GABBR2: variants seen among roughly 807,000 people sequenced by gnomAD.
GABBR2 encodes the protein G-protein coupled receptor 51.
GABBR2 carries 23 observed loss-of-function variants against 105.6 expected under a neutral mutation model. The observed-to-expected ratio is 0.22, with a 90% CI of 0.16 to 0.31. The LOEUF (loss-of-function observed/expected upper bound fraction) is 0.31, where lower values mean the gene tolerates loss of function less well. GABBR2 is among the 10% of genes least tolerant of loss of function. The probability of loss-of-function intolerance (pLI) is 1.00; values close to 1 mark genes in which losing one functional copy is unlikely to be tolerated. For missense variants in GABBR2, 734 were observed against 1,245.5 expected (o/e 0.59, Z 6.18); for synonymous variants, 478 against 499.7 (o/e 0.96, Z 0.58).
intron 2 of GABBR2, among the ~76,000 whole-genome samples, chr9:98,574,334 T>C (rs2131776452): frequency 6.6e-6 from 1 of 152,388 alleles, no homozygotes; most frequent in South Asian, 2.1e-4. Flanking sequence ...CAAAAGACTT[T>C]GTCACCTCTG....
chr9:98,448,436 A>T lies in GABBR2; in HGVS notation c.1236+5545T>A, dbSNP rs192493200. On this transcript the variant is annotated intron_variant, in intron 7 of 18. Transcript: ENST00000259455. Reference sequence around the variant, plus strand: ...AAATGAGAGTCTATTAATTTATTTTATTTCTTTTTTGAGACGGAGTCTCAC... The same window carrying T: ...AAATGAGAGTCTATTAATTTATTTTTTTTCTTTTTTGAGACGGAGTCTCAC... 3.1e-3 allele frequency among the ~76,000 whole-genome samples: 466 copies of T among 152,160 alleles called. 4 individuals are homozygous for T. The highest frequency in any genetic ancestry group is 0.011 in the African/African-American group (451 of 41,500).
intron 1 of GABBR2, among the ~76,000 whole-genome samples, chr9:98,612,091 G>C (rs1050516344): frequency 7.9e-5 from 12 of 152,252 alleles, no homozygotes; most frequent in Non-Finnish European, 4.4e-5. Context: ...AGTCTGGAGA[G>C]AGGACAGCCA....
At chr9:98,575,837 G>T (rs1032271992) in intron 2 of GABBR2, among the ~76,000 whole-genome samples, 2 of 152,106 alleles carry the variant, frequency 1.3e-5, no homozygotes, top group African/African-American at 4.8e-5. Context: ...AATCAGTGTG[G>T]CCTGCTCCGG....
intron 2 of GABBR2, among the ~76,000 whole-genome samples, chr9:98,549,508 A>G (rs1295820828): frequency 2.6e-5 from 4 of 152,220 alleles, no homozygotes; most frequent in Non-Finnish European, 5.9e-5. Context: ...CGTTGTTCAG[A>G]TGCCATTTAA....
intron 13 of GABBR2, among the ~76,000 whole-genome samples, chr9:98,324,774 G>A (rs1830891616): frequency 4.6e-5 from 7 of 152,082 alleles, no homozygotes; most frequent in Admixed American, 4.6e-4. Context: ...ATTTTTCTGG[G>A]CCAGGTTCTT....
intron 3 of GABBR2, among the ~76,000 whole-genome samples, chr9:98,515,063 A>G (rs1031308058): frequency 2.0e-5 from 3 of 152,186 alleles, no homozygotes; most frequent in African/African-American, 7.2e-5. Flanking sequence ...TAACAAGAGA[A>G]TGAGCCAAGG....
intron 4 of GABBR2, among the ~76,000 whole-genome samples, chr9:98,487,765 G>A (rs1827089110): frequency 6.6e-6 from 1 of 151,972 alleles, no homozygotes; most frequent in Non-Finnish European, 1.5e-5. Context: ...GTTACAGAGT[G>A]AGACCCTGTC....
intron 1 of GABBR2, among the ~76,000 whole-genome samples, chr9:98,655,888 C>A (rs999952343): frequency 2.0e-5 from 3 of 152,062 alleles, no homozygotes; most frequent in Non-Finnish European, 2.9e-5. Context: ...TAATGTAGAT[C>A]ACGGGTTGAT....
At chr9:98,474,443 A>C (rs1826747825) in intron 5 of GABBR2, among the ~76,000 whole-genome samples, 1 of 152,182 alleles carries the variant, frequency 6.6e-6, no homozygotes. Context: ...TTCAGAATAA[A>C]GTTTCTAAGT....
At position 98,318,382 on chromosome 9, in the gene GABBR2, GCACACCTCTGA is replaced by G. The variant is rs111897589; in HGVS notation, c.1894-7188_1894-7178del. Among the ~76,000 whole-genome samples the G allele has an allele frequency of 8.9e-3, 1,350 of 152,280 alleles. 16 individuals carry two copies. Among genetic ancestry groups the G allele is most frequent in the African/African-American group, 0.027 (1,112 of 41,544 alleles). ...AGAACGCAGATTCTCTTTGTCACCC[GCACACCTCTGA>G]CACAGAGTGATGACTTAGCGCAAGG... On this transcript the variant is annotated intron_variant, in intron 13 of 18. Transcript: ENST00000259455.
At chr9:98,458,584 A>C (rs1252280113) in intron 6 of GABBR2, among the ~76,000 whole-genome samples, 1 of 152,172 alleles carries the variant, frequency 6.6e-6, no homozygotes, top group East Asian at 1.9e-4. Context: ...AGGTGTCTGT[A>C]ATCCCAGCTA....
intron 1 of GABBR2, among the ~76,000 whole-genome samples, chr9:98,592,979 A>G (rs571869333): frequency 6.6e-6 from 1 of 151,840 alleles, no homozygotes; most frequent in African/African-American, 2.4e-5. Context: ...TATTTTAGTT[A>G]TTTATTTTTT....
chr9:98,605,211 G>A (rs1487091844), intron 1 of GABBR2, among the ~76,000 whole-genome samples: 1 of 152,228 alleles, frequency 6.6e-6, no homozygotes, highest in Non-Finnish European at 1.5e-5. Context: ...GCCATCCCCA[G>A]GTCAGGTTTC....
In GABBR2 at chr9:98,385,661, C is replaced by G. The variant is rs1228267111; in HGVS notation, c.1641G>C (p.Lys547Asn). ...FGLDGSFVSE[K>N]TFETLCTVRT... Reference sequence around the variant, plus strand: ...TTACGGTGCAAAGTGTTTCAAAGGTCTTTTCAGAGACAAAGGATCCATCAA... The same window carrying G: ...TTACGGTGCAAAGTGTTTCAAAGGTGTTTTCAGAGACAAAGGATCCATCAA... Residue 547 changes from lysine to asparagine, a missense_variant, in exon 11 of 19, where the codon AAG (lysine) becomes AAC (asparagine). Lys to Asn is a moderately conservative substitution (Grantham distance 94). Coordinates refer to ENST00000259455, the MANE Select transcript of GABBR2 (RefSeq NM_005458.8). 13 of 1,613,340 alleles carry G rather than the reference C, an allele frequency of 8.1e-6. No homozygotes were observed. The highest frequency in any genetic ancestry group is 1.0e-5 in the Non-Finnish European group (12 of 1,179,460).
chr9:98,325,464 A>G (rs1372462687), intron 13 of GABBR2, among the ~76,000 whole-genome samples: 1 of 151,466 alleles, frequency 6.6e-6, no homozygotes, highest in Admixed American at 6.6e-5. Flanking sequence ...GCTGATTTTT[A>G]TATTTTTAGT....
chr9:98,466,152 C>G (rs1316059590), intron 6 of GABBR2, among the ~76,000 whole-genome samples: 2 of 152,224 alleles, frequency 1.3e-5, no homozygotes, highest in African/African-American at 4.8e-5. Flanking sequence ...GCCTGTGGAA[C>G]TGTGAGCCAA....
intron 3 of GABBR2, among the ~76,000 whole-genome samples, chr9:98,525,396 A>G (rs1340445983): frequency 6.6e-6 from 1 of 152,270 alleles, no homozygotes; most frequent in Non-Finnish European, 1.5e-5. Context: ...TAATAAGCAC[A>G]TGAACACATG....
intron 3 of GABBR2, among the ~76,000 whole-genome samples, chr9:98,498,553 T>C (rs1428024010): frequency 1.3e-5 from 2 of 152,248 alleles, no homozygotes; most frequent in Non-Finnish European, 2.9e-5. Context: ...TGCCATCTTT[T>C]ATTTCTTTGA....
chr9:98,388,265 A>G lies in GABBR2; in HGVS notation c.1529+589T>C, dbSNP rs1832112299. ...CAAGAAGACAGTCTGCCACGAGTGGACAGCAGCACTCTGTCGCTGAACTTC... is the reference window on the plus strand; with the variant it reads ...CAAGAAGACAGTCTGCCACGAGTGGGCAGCAGCACTCTGTCGCTGAACTTC... On this transcript the variant is annotated intron_variant, in intron 10 of 18. Transcript: ENST00000259455. The surrounding 1 kb of genome is among the most constrained non-coding windows in gnomAD (Gnocchi z 4.4). Among the ~76,000 whole-genome samples the G allele has an allele frequency of 6.6e-6, 1 of 152,216 alleles. No individual in the cohort carries two copies. The highest frequency in any genetic ancestry group is 1.5e-5 in the Non-Finnish European group (1 of 68,032).
Sources: allele counts gnomAD v4.1 joint callset (sites outside exome capture counted in the v4.1 genomes callset), GRCh38; gene constraint gnomAD v4.1.1; non-coding constraint Gnocchi (gnomAD v3.1); transcripts MANE v1.5; gene names NCBI Gene and HGNC (gene_info 2026-07-23, HGNC 2026-07-21).